RANBP2: variants seen among roughly 807,000 people sequenced by gnomAD.
RANBP2 encodes the protein E3 SUMO-protein ligase RanBP2.
A neutral mutation model predicts 303.6 loss-of-function variants in RANBP2; 57 were observed. The observed-to-expected ratio is 0.19, with a 90% confidence interval of 0.15 to 0.23. RANBP2 has a LOEUF of 0.23. Among genes scored for constraint, RANBP2 ranks in the 10% least tolerant of loss-of-function variants. The pLI, the probability that RANBP2 is intolerant of heterozygous loss-of-function variation, is 1.00. For missense variants in RANBP2, 3,138 were observed against 3,780.8 expected, an observed-to-expected ratio of 0.83 and a Z score of 4.46; for synonymous variants, 1,167 against 1,301.5, an observed-to-expected ratio of 0.90 and a Z score of 2.23.
At position 108,763,545 on chromosome 2, in the gene RANBP2, G is replaced by A. The variant is rs759909697; in HGVS notation, c.3006G>A (p.Gly1002=). 1.2e-6 allele frequency: 2 copies of A among 1,614,084 alleles called. No homozygotes were observed. The highest frequency in any genetic ancestry group is 1.1e-5 in the South Asian group (1 of 91,080). The change falls in exon 20 of 29, where the codon GGG becomes GGA. Residue 1002 remains glycine, a synonymous_variant. Coordinates refer to ENST00000283195, the MANE Select transcript of RANBP2 (RefSeq NM_006267.5). ...RSAESKTIEF[G]KTNFVQPMPG... Reference sequence around the variant, plus strand: ...CAGAATCTAAGACTATAGAATTTGGGAAAACTAATTTTGTTCAGCCCATGC... The same window carrying A: ...CAGAATCTAAGACTATAGAATTTGGAAAAACTAATTTTGTTCAGCCCATGC...
the RANBP2 span, among the ~76,000 whole-genome samples, chr2:109,451,993 C>T: frequency 6.6e-6 from 1 of 152,364 alleles, no homozygotes; most frequent in Non-Finnish European, 1.5e-5. Context: ...ACATTGCCCT[C>T]CCACACATTG....
At chr2:108,906,604 C>A in the RANBP2 span, among the ~76,000 whole-genome samples, 1 of 152,202 alleles carries the variant, frequency 6.6e-6, no homozygotes, top group South Asian at 2.1e-4. Flanking sequence ...GCTGGGTGGT[C>A]AGACTCGTAA....
At chr2:108,729,039 G>T in intron 1 of RANBP2, 93 bp from the exon 2 acceptor site, 1 of 1,404,902 alleles carries the variant, frequency 7.1e-7, no homozygotes, top group South Asian at 1.3e-5. Flanking sequence ...TGGCGTATTT[G>T]AACATCAACT....
chr2:109,060,489 T>G, the RANBP2 span, among the ~76,000 whole-genome samples: 149 of 152,336 alleles, frequency 9.8e-4, no homozygotes, highest in Non-Finnish European at 1.0e-3. Flanking sequence ...CCATCATACT[T>G]GCCTTTTCTC....
intron 25 of RANBP2, 66 bp downstream of exon 25, chr2:108,777,297 T>C (rs1240378303): frequency 5.8e-6 from 7 of 1,209,274 alleles, no homozygotes; most frequent in Non-Finnish European, 8.1e-6. Flanking sequence ...AAAAACTAGT[T>C]TTTTGTTGCA....
the RANBP2 span, among the ~76,000 whole-genome samples, chr2:109,286,516 A>C: frequency 6.6e-6 from 1 of 152,286 alleles, no homozygotes; most frequent in African/African-American, 2.4e-5. Context: ...CTGGGTGCAG[A>C]AGACCAAGTC....
At chr2:109,279,317 G>C in the RANBP2 span, among the ~76,000 whole-genome samples, 1 of 152,216 alleles carries the variant, frequency 6.6e-6, no homozygotes, top group Non-Finnish European at 1.5e-5. Context: ...GCAGTGGCCA[G>C]TGGAGGGCTA....
chr2:109,679,124 C>G, the RANBP2 span, among the ~76,000 whole-genome samples: 2 of 152,364 alleles, frequency 1.3e-5, no homozygotes, highest in African/African-American at 4.8e-5. Context: ...CTTCAGCACT[C>G]TGCCTGGGGA....
chr2:108,752,328 T>G (rs1164346319), intron 12 of RANBP2, among the ~76,000 whole-genome samples: 1 of 151,752 alleles, frequency 6.6e-6, no homozygotes, highest in Non-Finnish European at 1.5e-5. Context: ...ATACTTAAGG[T>G]GTGTTTTGTG....
chr2:109,190,985 G>A, the RANBP2 span, among the ~76,000 whole-genome samples: 1 of 151,624 alleles, frequency 6.6e-6, no homozygotes, highest in Non-Finnish European at 1.5e-5. Flanking sequence ...TGCGTCAGGC[G>A]AGGAGTTAGC....
chr2:109,570,252 G>C, the RANBP2 span, among the ~76,000 whole-genome samples: 10 of 152,128 alleles, frequency 6.6e-5, no homozygotes, highest in Admixed American at 6.5e-4. Flanking sequence ...CTTTAAATGA[G>C]TGCATGATAC....
the RANBP2 span, among the ~76,000 whole-genome samples, chr2:108,911,580 C>A: frequency 6.6e-6 from 1 of 152,204 alleles, no homozygotes; most frequent in African/African-American, 2.4e-5. Context: ...GCTGGGCCAC[C>A]TATTCCACCT....
chr2:109,265,506 C>A, the RANBP2 span, among the ~76,000 whole-genome samples: 5 of 152,184 alleles, frequency 3.3e-5, no homozygotes, highest in African/African-American at 1.2e-4. Flanking sequence ...TGCTGCCCAC[C>A]CTTAGGCTGC....
the RANBP2 span, among the ~76,000 whole-genome samples, chr2:109,493,392 GACACCACAC>G: frequency 6.8e-6 from 1 of 147,366 alleles, no homozygotes; most frequent in East Asian, 2.1e-4. Context: ...ACATGGTACA[GACACCACAC>G]ACACCACACA....
the RANBP2 span, among the ~76,000 whole-genome samples, chr2:109,369,777 C>A: frequency 6.6e-6 from 1 of 152,190 alleles, no homozygotes; most frequent in African/African-American, 2.4e-5. Context: ...CGGATGGACA[C>A]CAAACCCTAC....
chr2:109,569,895 T>C, the RANBP2 span, among the ~76,000 whole-genome samples: 1 of 152,122 alleles, frequency 6.6e-6, no homozygotes, highest in African/African-American at 2.4e-5. Context: ...TTCTGCTTTT[T>C]AGTAACAGAA....
the RANBP2 span, among the ~76,000 whole-genome samples, chr2:108,826,104 T>G: frequency 2.6e-5 from 4 of 152,186 alleles, no homozygotes; most frequent in Admixed American, 2.6e-4. Context: ...TTGAGTTATC[T>G]TTTTTATTAC....
At chr2:109,478,814 C>G in the RANBP2 span, among the ~76,000 whole-genome samples, 1 of 152,130 alleles carries the variant, frequency 6.6e-6, no homozygotes, top group East Asian at 1.9e-4. Context: ...GAATGAAACC[C>G]GCTCCAGTTA....
chr2:108,796,437 C>T, the RANBP2 span, among the ~76,000 whole-genome samples: 5 of 152,124 alleles, frequency 3.3e-5, no homozygotes, highest in African/African-American at 9.7e-5. Context: ...GTTCCTTAAA[C>T]TATAAGTAGA....
Sources: gnomAD v4.1 joint callset for allele counts (sites outside exome capture counted in the v4.1 genomes callset) on GRCh38, gnomAD v4.1.1 for gene constraint, MANE v1.5 for transcripts, NCBI Gene and HGNC (gene_info 2026-07-23, HGNC 2026-07-21) for gene names.